Variants in GABRB2 observed in about 807,000 individuals in gnomAD.
GABRB2 encodes gamma-aminobutyric acid type A receptor subunit beta2.
Under a neutral mutation model 54.7 loss-of-function variants are expected in GABRB2, and 16 were observed. That is an observed-to-expected ratio of 0.29 (90% CI 0.20 to 0.44). The LOEUF is 0.44. Ranked by LOEUF, GABRB2 falls within the 20% of genes least tolerant of loss-of-function variation. The probability of loss-of-function intolerance (pLI) is 1.00; values close to 1 mark genes in which losing one functional copy is unlikely to be tolerated. For synonymous variants in GABRB2, 244 were observed against 233.8 expected (o/e 1.04, Z -0.40); for missense variants, 355 against 644.0 (o/e 0.55, Z 4.86).
chr5:161,428,322 T>TGTGTGTGA (rs1554100145), intron 4 of GABRB2, among the ~76,000 whole-genome samples: 1 of 150,252 alleles, frequency 6.7e-6, no homozygotes, highest in Non-Finnish European at 1.5e-5. Flanking sequence ...TGTGTGTGTG[T>TGTGTGTGA]GACAAGAGCA....
intron 4 of GABRB2, among the ~76,000 whole-genome samples, chr5:161,452,401 G>A (rs1041625605): frequency 6.6e-6 from 1 of 152,128 alleles, no homozygotes; most frequent in African/African-American, 2.4e-5. Context: ...AAGAATGCAG[G>A]TGTTCTGATT....
chr5:161,435,382 A>G (rs1008067516), intron 4 of GABRB2, among the ~76,000 whole-genome samples: 1 of 152,222 alleles, frequency 6.6e-6, no homozygotes, highest in Non-Finnish European at 1.5e-5. Context: ...AAAGCAAATT[A>G]TTAAATGGAC....
intron 3 of GABRB2, among the ~76,000 whole-genome samples, chr5:161,491,455 A>G (rs1308004831): frequency 2.0e-5 from 3 of 151,710 alleles, no homozygotes; most frequent in Admixed American, 2.0e-4. Flanking sequence ...TATGCAAATT[A>G]AACTATTAGA....
intron 5 of GABRB2, among the ~76,000 whole-genome samples, chr5:161,344,726 T>G (rs1024984576): frequency 6.6e-6 from 1 of 152,064 alleles, no homozygotes; most frequent in East Asian, 1.9e-4. Context: ...ATCATTCTAC[T>G]ATAAAGACAC....
At chr5:161,512,744 C>A (rs1218846511) in intron 3 of GABRB2, among the ~76,000 whole-genome samples, 1 of 151,918 alleles carries the variant, frequency 6.6e-6, no homozygotes, top group Non-Finnish European at 1.5e-5. Context: ...AGAGCGTCTG[C>A]ACAGCAAAAG....
chr5:161,350,868 C>A (rs1400898561), intron 5 of GABRB2, among the ~76,000 whole-genome samples: 1 of 152,064 alleles, frequency 6.6e-6, no homozygotes, highest in Non-Finnish European at 1.5e-5. Context: ...TGGACTTACA[C>A]CAGTGACTCT....
At chr5:161,486,327 C>T (rs565667326) in intron 3 of GABRB2, among the ~76,000 whole-genome samples, 3 of 152,050 alleles carry the variant, frequency 2.0e-5, no homozygotes, top group South Asian at 2.1e-4. Flanking sequence ...AGCATTCCTG[C>T]CCCTAGAGTT....
At chr5:161,467,923 G>A (rs928617296) in intron 3 of GABRB2, among the ~76,000 whole-genome samples, 1 of 152,034 alleles carries the variant, frequency 6.6e-6, no homozygotes, top group African/African-American at 2.4e-5. Context: ...TTGGATACAT[G>A]GGAATATGTA....
At chr5:161,431,114 C>T (rs1757161114) in intron 4 of GABRB2, among the ~76,000 whole-genome samples, 1 of 152,144 alleles carries the variant, frequency 6.6e-6, no homozygotes, top group Admixed American at 6.6e-5. Flanking sequence ...GCATTTCCAG[C>T]TCTGTGACAC....
intron 4 of GABRB2, among the ~76,000 whole-genome samples, chr5:161,412,081 C>T (rs1756530391): frequency 6.6e-6 from 1 of 152,086 alleles, no homozygotes; most frequent in African/African-American, 2.4e-5. Context: ...GTTGGGAACA[C>T]AGAAGTAAGA....
At chr5:161,374,943 T>C (rs905177144) in intron 5 of GABRB2, among the ~76,000 whole-genome samples, 1 of 152,186 alleles carries the variant, frequency 6.6e-6, no homozygotes, top group Non-Finnish European at 1.5e-5. Context: ...CAATAAAGAT[T>C]TGCTGAATAG....
Position 161,503,709 on chromosome 5 carries a change from CA to C in GABRB2, c.237+41517del, listed in dbSNP as rs33992062. Among the ~76,000 whole-genome samples, 318 of 91,678 alleles carry C rather than the reference CA, an allele frequency of 3.5e-3. 2 individuals carry two copies. Among genetic ancestry groups the C allele is most frequent in the Non-Finnish European group, 5.2e-3 (225 of 43,192 alleles). 60.1% of individuals were successfully genotyped at this position (91,678 alleles called of 152,430 possible). A position where few individuals can be genotyped will look rare whatever the true frequency, so the allele number is the denominator to read the frequency against. The stretch of plus-strand genomic sequence containing the variant: ...GGGCAACAAGAGCGAAATTCCTTCT[CA>C]AAAAAAAAAAAAAAAAAGTAAAATG... On this transcript the variant is annotated intron_variant, in intron 3 of 9. Transcript: ENST00000393959.
At chr5:161,503,276 A>G (rs1472759628) in intron 3 of GABRB2, among the ~76,000 whole-genome samples, 9 of 152,122 alleles carry the variant, frequency 5.9e-5, no homozygotes, top group African/African-American at 2.2e-4. Flanking sequence ...AACTATTTTT[A>G]AAAATCAAGT....
At chr5:161,333,326 C>T (rs1019019343) in intron 7 of GABRB2, among the ~76,000 whole-genome samples, 2 of 152,056 alleles carry the variant, frequency 1.3e-5, no homozygotes, top group African/African-American at 2.4e-5. Flanking sequence ...TCTTTCATTG[C>T]TGAAGGGGAA....
intron 4 of GABRB2, among the ~76,000 whole-genome samples, chr5:161,434,880 G>T (rs947730908): frequency 3.9e-5 from 6 of 152,214 alleles, no homozygotes; most frequent in Middle Eastern, 3.4e-3. Flanking sequence ...TAGAAATCTG[G>T]ATATCAGTCC....
intron 5 of GABRB2, among the ~76,000 whole-genome samples, chr5:161,378,482 G>C (rs551649011): frequency 6.6e-6 from 1 of 152,160 alleles, no homozygotes; most frequent in African/African-American, 2.4e-5. Flanking sequence ...CACATGTTTG[G>C]CTTCAGTTTA....
intron 4 of GABRB2, among the ~76,000 whole-genome samples, chr5:161,450,509 T>C (rs1757761118): frequency 6.6e-6 from 1 of 152,152 alleles, no homozygotes; most frequent in Non-Finnish European, 1.5e-5. Context: ...TATTGTTGGC[T>C]TGGATTTAAA....
At chr5:161,428,922 A>G (rs1302318107) in intron 4 of GABRB2, among the ~76,000 whole-genome samples, 2 of 152,190 alleles carry the variant, frequency 1.3e-5, no homozygotes, top group Non-Finnish European at 2.9e-5. Flanking sequence ...AAAACAATGC[A>G]TAGAAACTGT....
chr5:161,513,712 T>G (rs909486417), intron 3 of GABRB2, among the ~76,000 whole-genome samples: 9 of 152,102 alleles, frequency 5.9e-5, no homozygotes, highest in African/African-American at 2.2e-4. Flanking sequence ...TGGGCTCATT[T>G]ATATCTGAGG....
Sources: allele counts gnomAD v4.1 joint callset (sites outside exome capture counted in the v4.1 genomes callset), GRCh38; gene constraint gnomAD v4.1.1; transcripts MANE v1.5; gene names NCBI Gene and HGNC (gene_info 2026-07-23, HGNC 2026-07-21).